Variants in TMEM232 observed in about 807,000 individuals in gnomAD.
TMEM232 encodes the protein transmembrane protein 232.
A neutral mutation model predicts 78.8 loss-of-function variants in TMEM232; 80 were observed. The ratio of observed to expected loss-of-function variants is 1.01; its 90% confidence interval spans 0.85 to 1.22. The LOEUF (loss-of-function observed/expected upper bound fraction) is 1.22, where lower values mean the gene tolerates loss of function less well. Among genes scored for constraint, TMEM232 ranks in the 50% most tolerant of loss-of-function variants. The pLI, the probability that TMEM232 is intolerant of heterozygous loss-of-function variation, is 0.00. For synonymous variants in TMEM232, 297 were observed against 254.3 expected, an observed-to-expected ratio of 1.17 and a Z score of -1.60; for missense variants, 881 against 742.2, an observed-to-expected ratio of 1.19 and a Z score of -2.17.
At chr5:110,586,404 T>G (rs1404537249) in intron 10 of TMEM232, among the ~76,000 whole-genome samples, 5 of 152,118 alleles carry the variant, frequency 3.3e-5, no homozygotes, top group African/African-American at 4.8e-5. Flanking sequence ...AGTTTTAATT[T>G]ATGAGAAATT....
chr5:110,579,890 A>G (rs1777983102), intron 10 of TMEM232, among the ~76,000 whole-genome samples: 1 of 151,676 alleles, frequency 6.6e-6, no homozygotes, highest in Non-Finnish European at 1.5e-5. Context: ...ATAAAAAAAT[A>G]GGACCCAAAC....
intron 8 of TMEM232, among the ~76,000 whole-genome samples, chr5:110,608,193 T>A (rs1355137985): frequency 6.6e-6 from 1 of 151,960 alleles, no homozygotes; most frequent in Non-Finnish European, 1.5e-5. Flanking sequence ...AATTTACTTG[T>A]CTATAAAGAA....
At chr5:110,674,502 G>T (rs1791774580) in intron 1 of TMEM232, among the ~76,000 whole-genome samples, 1 of 152,178 alleles carries the variant, frequency 6.6e-6, no homozygotes, top group Non-Finnish European at 1.5e-5. Flanking sequence ...TATTATTTCT[G>T]AATATGTATG....
At chr5:110,443,577 C>T (rs956846965) in intron 12 of TMEM232, among the ~76,000 whole-genome samples, 12 of 152,112 alleles carry the variant, frequency 7.9e-5, no homozygotes, top group African/African-American at 2.7e-4. Context: ...TGTTACTCTA[C>T]ACCACTGTTG....
chr5:110,621,985 G>A (rs1237468059), intron 7 of TMEM232, among the ~76,000 whole-genome samples: 8 of 152,110 alleles, frequency 5.3e-5, no homozygotes, highest in Non-Finnish European at 8.8e-5. Context: ...TAATAGAAAT[G>A]AGCTTTGAAG....
chr5:110,612,730 T>C (rs1474436678), intron 8 of TMEM232, among the ~76,000 whole-genome samples: 1 of 152,192 alleles, frequency 6.6e-6, no homozygotes, highest in Non-Finnish European at 1.5e-5. Flanking sequence ...AAATCAGTTA[T>C]TTTGTGTTGG....
chr5:110,620,593 C>A (rs1394428579), intron 7 of TMEM232, among the ~76,000 whole-genome samples: 41 of 82,148 alleles, frequency 5.0e-4, no homozygotes, highest in African/African-American at 2.3e-3. Context: ...CTCTCTCTCT[C>A]TCTCTCTCTC....
At chr5:110,730,890 C>G (rs1236957322), upstream of TMEM232, among the ~76,000 whole-genome samples, 6 of 152,114 alleles carry the variant, frequency 3.9e-5, no homozygotes, top group Admixed American at 3.9e-4. Context: ...CACGCCTTCC[C>G]AACAGTACCC....
chr5:110,663,188 A>C (rs1790042383), intron 2 of TMEM232, among the ~76,000 whole-genome samples: 3 of 152,256 alleles, frequency 2.0e-5, no homozygotes, highest in East Asian at 1.9e-4. Flanking sequence ...AAAATGCAAC[A>C]GTGAAATGAA....
Position 110,442,778 on chromosome 5 carries a change from C to G in TMEM232, c.1704-17862G>C, listed in dbSNP as rs371176753. Reference sequence around the variant, plus strand: ...TGGTCATCCTTCTGGAGAAGGCTTTCCAGGTATTCAAAGGGATTTGAATCC... The same window carrying G: ...TGGTCATCCTTCTGGAGAAGGCTTTGCAGGTATTCAAAGGGATTTGAATCC... On this transcript the variant is annotated intron_variant, in intron 12 of 13. Coordinates refer to ENST00000455884, the MANE Select transcript of TMEM232 (RefSeq NM_001039763.4). 4.7e-4 allele frequency among the ~76,000 whole-genome samples: 71 copies of G among 152,132 alleles called. 1 individual carries two copies. In the South Asian group the frequency reaches 0.014, roughly 31 times the overall value.
intron 1 of TMEM232, among the ~76,000 whole-genome samples, chr5:110,737,627 A>C (rs1799325268): frequency 6.6e-6 from 1 of 152,138 alleles, no homozygotes; most frequent in Non-Finnish European, 1.5e-5. Context: ...TTTTTATATG[A>C]TATTATCTAT....
intron 2 of TMEM232, among the ~76,000 whole-genome samples, chr5:110,732,895 A>C (rs538079529): frequency 6.6e-6 from 1 of 152,252 alleles, no homozygotes; most frequent in African/African-American, 2.4e-5. Context: ...AACATACAGA[A>C]TGAGAGAAAA....
chr5:110,497,395 G>C (rs796194995), intron 12 of TMEM232, among the ~76,000 whole-genome samples: 24 of 152,192 alleles, frequency 1.6e-4, no homozygotes, highest in African/African-American at 5.1e-4. Flanking sequence ...CAGATAACAG[G>C]ATTTGGGTAG....
intron 2 of TMEM232, among the ~76,000 whole-genome samples, chr5:110,412,897 A>G (rs1251477097): frequency 1.3e-5 from 2 of 152,220 alleles, no homozygotes; most frequent in Non-Finnish European, 2.9e-5. Flanking sequence ...GTTTTAAAAC[A>G]TAAGTTTCAA....
chr5:110,694,388 T>C (rs897863316), intron 1 of TMEM232, among the ~76,000 whole-genome samples: 3 of 152,100 alleles, frequency 2.0e-5, no homozygotes, highest in African/African-American at 4.8e-5. Flanking sequence ...GGGAAGAAAC[T>C]GCATCAACTA....
intron 1 of TMEM232, among the ~76,000 whole-genome samples, chr5:110,707,577 G>C (rs891464943): frequency 1.3e-5 from 2 of 152,222 alleles, no homozygotes; most frequent in Non-Finnish European, 2.9e-5. Flanking sequence ...TTGAAAGGTA[G>C]TCATGGACAC....
At chr5:110,485,231 G>T (rs1205529855) in intron 12 of TMEM232, among the ~76,000 whole-genome samples, 1 of 152,104 alleles carries the variant, frequency 6.6e-6, no homozygotes, top group Non-Finnish European at 1.5e-5. Context: ...CAGAAGACTT[G>T]AAAAATACCT....
chr5:110,600,308 G>C (rs1780725308), intron 10 of TMEM232, among the ~76,000 whole-genome samples: 1 of 152,042 alleles, frequency 6.6e-6, no homozygotes, highest in Non-Finnish European at 1.5e-5. Context: ...AAATAACTAA[G>C]ATCAGAGCAG....
chr5:110,389,259 T>TCAAACAAA (rs1554071473), intron 4 of TMEM232, among the ~76,000 whole-genome samples: 2 of 150,820 alleles, frequency 1.3e-5, no homozygotes, highest in East Asian at 2.0e-4. Flanking sequence ...AGATTCCATC[T>TCAAACAAA]CAAACAAACA....
Sources: gnomAD v4.1 joint callset for allele counts (sites outside exome capture counted in the v4.1 genomes callset) on GRCh38, gnomAD v4.1.1 for gene constraint, MANE v1.5 for transcripts, NCBI Gene and HGNC (gene_info 2026-07-23, HGNC 2026-07-21) for gene names.